PLCB1: variants seen among roughly 807,000 people sequenced by gnomAD.
The protein encoded by PLCB1 is phospholipase C beta 1.
A neutral mutation model predicts 161.8 loss-of-function variants in PLCB1; 46 were observed. That is an observed-to-expected ratio of 0.28 (90% CI 0.22 to 0.36). The LOEUF is 0.36. Ranked by LOEUF, PLCB1 falls within the 10% of genes least tolerant of loss-of-function variation. PLCB1 has a pLI of 1.00. For missense variants in PLCB1, 1,016 were observed against 1,472.5 expected (o/e 0.69, Z 5.07); for synonymous variants, 517 against 503.7 (o/e 1.03, Z -0.35).
chr20:8,609,083 T>C (rs1020228776), intron 3 of PLCB1, among the ~76,000 whole-genome samples: 1 of 152,202 alleles, frequency 6.6e-6, no homozygotes, highest in Non-Finnish European at 1.5e-5. Context: ...ACTTTATTGA[T>C]TTGAAAGTGT....
chr20:8,504,287 A>G (rs112956291), intron 3 of PLCB1, among the ~76,000 whole-genome samples: 2 of 152,246 alleles, frequency 1.3e-5, no homozygotes, highest in African/African-American at 4.8e-5. Context: ...TGGCTCTTCA[A>G]ATGTCTGCCC....
intron 3 of PLCB1, among the ~76,000 whole-genome samples, chr20:8,428,492 A>T (rs530594335): frequency 1.3e-5 from 2 of 152,312 alleles, no homozygotes; most frequent in East Asian, 3.9e-4. Context: ...AAGTGTTGGG[A>T]TTATAGGCAT....
intron 3 of PLCB1, among the ~76,000 whole-genome samples, chr20:8,547,016 A>G (rs552193943): frequency 2.6e-5 from 4 of 152,328 alleles, no homozygotes; most frequent in Admixed American, 2.6e-4. Flanking sequence ...GGCATTAGTT[A>G]ACAGTTACTG....
chr20:8,276,189 GT>G (rs1166882063), intron 2 of PLCB1, among the ~76,000 whole-genome samples: 2 of 152,128 alleles, frequency 1.3e-5, no homozygotes, highest in Admixed American at 6.5e-5. Flanking sequence ...TTTCCAAAAT[GT>G]ATTTCTGCAG....
At chr20:8,144,334 C>A (rs961074232) in intron 1 of PLCB1, among the ~76,000 whole-genome samples, 1 of 152,096 alleles carries the variant, frequency 6.6e-6, no homozygotes, top group Non-Finnish European at 1.5e-5. Context: ...TTGGTTCTCT[C>A]GTGGATTATC....
At chr20:8,511,787 T>C (rs544750075) in intron 3 of PLCB1, among the ~76,000 whole-genome samples, 17 of 152,338 alleles carry the variant, frequency 1.1e-4, no homozygotes, top group African/African-American at 3.8e-4. Flanking sequence ...TATTGAGCAT[T>C]TTTTCATAAA....
chr20:8,279,516 T>G (rs761274425), intron 2 of PLCB1, among the ~76,000 whole-genome samples: 1 of 152,206 alleles, frequency 6.6e-6, no homozygotes, highest in Non-Finnish European at 1.5e-5. Context: ...GAAAAATGTT[T>G]TGGAAATAGT....
intron 9 of PLCB1, among the ~76,000 whole-genome samples, chr20:8,668,428 A>G (rs1428824328): frequency 6.6e-6 from 1 of 152,212 alleles, no homozygotes; most frequent in Non-Finnish European, 1.5e-5. Context: ...GACAAAATCA[A>G]GCTTCTTACC....
At chr20:8,653,963 A>G (rs1470653892) in intron 7 of PLCB1, among the ~76,000 whole-genome samples, 1 of 152,148 alleles carries the variant, frequency 6.6e-6, no homozygotes, top group African/African-American at 2.4e-5. Flanking sequence ...GGATTACATG[A>G]AAATATTCAA....
At chr20:8,485,121 A>G (rs1982666033) in intron 3 of PLCB1, among the ~76,000 whole-genome samples, 1 of 152,234 alleles carries the variant, frequency 6.6e-6, no homozygotes, top group African/African-American at 2.4e-5. Flanking sequence ...GAGCTGGTAC[A>G]GTGAGAAAAC....
At chr20:8,136,569 T>C (rs1348103782) in intron 1 of PLCB1, among the ~76,000 whole-genome samples, 2 of 149,164 alleles carry the variant, frequency 1.3e-5, no homozygotes, top group African/African-American at 5.0e-5. Context: ...GAGCTTGCAG[T>C]GAGCCGAGAT....
chr20:8,152,377 A>C (rs2051517885), intron 2 of PLCB1, among the ~76,000 whole-genome samples: 1 of 152,102 alleles, frequency 6.6e-6, no homozygotes, highest in African/African-American at 2.4e-5. Context: ...AGTAAGAGTG[A>C]TTCATCCACT....
chr20:8,333,564 T>C (rs1048352504), intron 2 of PLCB1, among the ~76,000 whole-genome samples: 1 of 152,134 alleles, frequency 6.6e-6, no homozygotes, highest in Non-Finnish European at 1.5e-5. Context: ...TCACAACTTA[T>C]GAGAGGTTGC....
intron 2 of PLCB1, among the ~76,000 whole-genome samples, chr20:8,309,663 G>T (rs1042978043): frequency 2.6e-5 from 4 of 152,166 alleles, no homozygotes; most frequent in African/African-American, 9.7e-5. Flanking sequence ...AGAAGCAATC[G>T]CGTCCATAAT....
chr20:8,413,022 G>T (rs1422817088), intron 3 of PLCB1, among the ~76,000 whole-genome samples: 1 of 150,888 alleles, frequency 6.6e-6, no homozygotes, highest in African/African-American at 2.4e-5. Context: ...TTTAACTGGG[G>T]AATTCTAGCT....
chr20:8,775,166 G>C (rs993528837), intron 27 of PLCB1, among the ~76,000 whole-genome samples: 1 of 145,310 alleles, frequency 6.9e-6, no homozygotes, highest in African/African-American at 2.6e-5. Flanking sequence ...AGAAAAGTCA[G>C]TACCTAAATG....
chr20:8,733,866 A>G (rs1438772245), intron 19 of PLCB1, among the ~76,000 whole-genome samples: 1 of 149,500 alleles, frequency 6.7e-6, no homozygotes, highest in African/African-American at 2.4e-5. Context: ...TCACGCCTGT[A>G]ATCCCAGCAC....
At position 8,760,431 on chromosome 20, in the gene PLCB1, C is replaced by G; in HGVS notation, c.2681C>G (p.Thr894Arg). 6.2e-7 allele frequency: 1 copy of G among 1,610,968 alleles called. No homozygotes were observed. The highest frequency in any genetic ancestry group is 8.5e-7 in the Non-Finnish European group (1 of 1,177,420). ...APGSVKAPAK[T>R]EDLIQSVLTE... ...GGTTCTGTAAAGGCACCTGCCAAAA[C>G]AGAAGATCTTATTCAGAGTGTCTTA... The change falls in exon 25 of 32, where the codon ACA (threonine) becomes AGA (arginine). Residue 894 changes from threonine (T) to arginine (R), a missense_variant. By Grantham distance (71) the Thr-to-Arg change is moderately conservative. Coordinates refer to ENST00000338037, the MANE Select transcript of PLCB1 (RefSeq NM_015192.4).
At chr20:8,285,960 C>T (rs184239358) in intron 2 of PLCB1, among the ~76,000 whole-genome samples, 111 of 152,284 alleles carry the variant, frequency 7.3e-4, no homozygotes, top group African/African-American at 2.5e-3. Flanking sequence ...GGGCTGGATA[C>T]ATTAGTCCTT....
Sources: allele counts gnomAD v4.1 joint callset (sites outside exome capture counted in the v4.1 genomes callset), GRCh38; gene constraint gnomAD v4.1.1; transcripts MANE v1.5; gene names NCBI Gene and HGNC (gene_info 2026-07-23, HGNC 2026-07-21).